The following USP15 variants were observed in gnomAD, a reference collection of about 807,000 sequenced individuals.
USP15 encodes the protein ubiquitin specific peptidase 15.
A neutral mutation model predicts 127.1 loss-of-function variants in USP15; 18 were observed. The ratio of observed to expected loss-of-function variants is 0.14; its 90% CI spans 0.10 to 0.21. USP15 has a LOEUF of 0.21. Among genes scored for constraint, USP15 ranks in the 10% least tolerant of loss-of-function variants. The pLI, the probability that USP15 is intolerant of heterozygous loss-of-function variation, is 1.00. For missense variants in USP15, 805 were observed against 1,159.9 expected (o/e 0.69, Z 4.44); for synonymous variants, 364 against 393.7 (o/e 0.92, Z 0.89).
At chr12:62,266,297 A>T (rs2063190410) in intron 1 of USP15, among the ~76,000 whole-genome samples, 1 of 152,172 alleles carries the variant, frequency 6.6e-6, no homozygotes, top group Admixed American at 6.5e-5. Flanking sequence ...TCCATATTTT[A>T]AAAGTATGGT....
chr12:62,357,679 G>A (rs1051613418), intron 8 of USP15, among the ~76,000 whole-genome samples: 41 of 152,032 alleles, frequency 2.7e-4, no homozygotes, highest in Non-Finnish European at 4.1e-4. Flanking sequence ...CAAACAATTT[G>A]GAGAAGAGAA....
intron 8 of USP15, among the ~76,000 whole-genome samples, chr12:62,360,559 C>G (rs2066283406): frequency 6.6e-6 from 1 of 152,034 alleles, no homozygotes; most frequent in Non-Finnish European, 1.5e-5. Flanking sequence ...CTAGCCTACT[C>G]TTACCTTGAG....
intron 8 of USP15, among the ~76,000 whole-genome samples, chr12:62,377,819 T>C (rs562415592): frequency 6.6e-6 from 1 of 152,300 alleles, no homozygotes; most frequent in African/African-American, 2.4e-5. Context: ...ATATTTTTAA[T>C]TGCTTGATTT....
intron 20 of USP15, among the ~76,000 whole-genome samples, chr12:62,399,006 CT>C (rs960160915): frequency 8.4e-4 from 126 of 150,800 alleles, no homozygotes; most frequent in African/African-American, 2.3e-3. Context: ...TTCTTTGCCC[CT>C]TTTTTTTTAG....
chr12:62,384,327 G>GTTTTTTTTTTTT (rs58138194), intron 11 of USP15, 25 bp downstream of exon 11: 33 of 1,057,706 alleles, frequency 3.1e-5, no homozygotes, highest in East Asian at 2.1e-4. Context: ...GGTTTGTTTT[G>GTTTTTTTTTTTT]TTTTTTTTTT....
At chr12:62,338,531 T>G (rs1193083353) in intron 6 of USP15, among the ~76,000 whole-genome samples, 1 of 152,168 alleles carries the variant, frequency 6.6e-6, no homozygotes, top group Non-Finnish European at 1.5e-5. Flanking sequence ...TTTTGGTGTT[T>G]TAGTCATGAA....
intron 1 of USP15, among the ~76,000 whole-genome samples, chr12:62,274,581 G>C (rs1421798544): frequency 6.6e-6 from 1 of 152,010 alleles, no homozygotes; most frequent in African/African-American, 2.4e-5. Context: ...GGTGTTTGAG[G>C]TTACAGTGAG....
intron 6 of USP15, chr12:62,328,447 A>C (rs1302312568): frequency 4.1e-6 from 1 of 245,348 alleles, no homozygotes; most frequent in African/African-American, 2.3e-5. Context: ...TGAGCCATAA[A>C]TTTCTAACCC....
intron 6 of USP15, among the ~76,000 whole-genome samples, chr12:62,332,071 G>A (rs866456537): frequency 1.3e-5 from 2 of 152,116 alleles, no homozygotes; most frequent in African/African-American, 2.4e-5. Flanking sequence ...GGCTGAGGCC[G>A]GAGAATCACT....
chr12:62,307,767 G>T (rs1250174806), intron 3 of USP15, among the ~76,000 whole-genome samples: 6 of 152,078 alleles, frequency 3.9e-5, no homozygotes, highest in African/African-American at 1.2e-4. Context: ...AGCCATCTTG[G>T]TTATCAATCT....
intron 6 of USP15, among the ~76,000 whole-genome samples, chr12:62,331,921 T>G (rs1410369593): frequency 1.3e-5 from 2 of 152,148 alleles, no homozygotes; most frequent in African/African-American, 4.8e-5. Context: ...TCCCAGCACT[T>G]TGGGAGGCCA....
At chr12:62,370,036 G>A (rs147877681) in intron 8 of USP15, among the ~76,000 whole-genome samples, 62 of 152,152 alleles carry the variant, frequency 4.1e-4, no homozygotes, top group African/African-American at 1.4e-3. Context: ...GTGCAGTAGC[G>A]CAATCTCAGC....
At chr12:62,305,527 A>G (rs966153198) in intron 3 of USP15, 3 of 152,302 alleles carry the variant, frequency 2.0e-5, no homozygotes, top group East Asian at 1.9e-4. Flanking sequence ...TATTAAAGGC[A>G]CTACAAAATA....
intron 4 of USP15, among the ~76,000 whole-genome samples, chr12:62,319,075 C>A (rs746075773): frequency 9.9e-5 from 15 of 152,154 alleles, no homozygotes; most frequent in Non-Finnish European, 1.9e-4. Context: ...AATTGACTTA[C>A]AGTTCCATAG....
At chr12:62,390,077 G>A in intron 14 of USP15, 89 bp downstream of exon 14, 1 of 1,251,868 alleles carries the variant, frequency 8.0e-7, no homozygotes. Flanking sequence ...AGGTACTATT[G>A]GAATATAATT....
intron 20 of USP15, 146 bp downstream of exon 20, chr12:62,396,544 A>G (rs1367622688): frequency 1.4e-6 from 1 of 692,506 alleles, no homozygotes. Flanking sequence ...TGAATGAGTC[A>G]GCTTTTGAAC....
intron 6 of USP15, chr12:62,336,664 C>A: frequency 3.3e-6 from 1 of 303,784 alleles, no homozygotes; most frequent in Non-Finnish European, 4.8e-6. Context: ...TAACTATATT[C>A]CAAAACAATA....
intron 6 of USP15, among the ~76,000 whole-genome samples, chr12:62,330,933 G>GA (rs36008434): frequency 0.15 from 18,534 of 120,202 alleles, 1,485 homozygotes; most frequent in East Asian, 0.3. Flanking sequence ...CTCCAAAAAG[G>GA]AAAAAAAAAA....
intron 6 of USP15, among the ~76,000 whole-genome samples, chr12:62,330,145 C>T (rs2065247849): frequency 6.6e-6 from 1 of 151,920 alleles, no homozygotes; most frequent in Non-Finnish European, 1.5e-5. Flanking sequence ...AGAAAAAGCA[C>T]AGTAGAAGGA....
Sources: allele counts gnomAD v4.1 joint callset (sites outside exome capture counted in the v4.1 genomes callset), GRCh38; gene constraint gnomAD v4.1.1; transcripts MANE v1.5; gene names NCBI Gene and HGNC (gene_info 2026-07-23, HGNC 2026-07-21).